BMP6: variants seen among roughly 807,000 people sequenced by gnomAD.
The protein encoded by BMP6 is VG-1-R.
Under a neutral mutation model 54.1 loss-of-function variants are expected in BMP6, and 17 were observed. The observed-to-expected ratio is 0.31, with a 90% confidence interval of 0.22 to 0.47. BMP6 has a LOEUF of 0.47. Among genes scored for constraint, BMP6 ranks in the 20% least tolerant of loss-of-function variants. BMP6 has a pLI of 1.00. For missense variants in BMP6, 720 were observed against 690.4 expected, an observed-to-expected ratio of 1.04 and a Z score of -0.48; for synonymous variants, 328 against 291.2, an observed-to-expected ratio of 1.13 and a Z score of -1.28.
intron 1 of BMP6, among the ~76,000 whole-genome samples, chr6:7,757,820 G>A (rs572991346): frequency 1.5e-4 from 23 of 152,282 alleles, no homozygotes; most frequent in Admixed American, 3.9e-4. Flanking sequence ...GATCAGGAAT[G>A]CCCATTTCCT....
At chr6:7,825,024 C>T (rs10498673) in intron 1 of BMP6, among the ~76,000 whole-genome samples, 20,890 of 152,214 alleles carry the variant, frequency 0.14, 1,823 homozygotes, top group African/African-American at 0.24. Context: ...CATTGAAAAA[C>T]GCGCAGACTT....
At chr6:7,729,362 G>A (rs1222058231) in intron 1 of BMP6, among the ~76,000 whole-genome samples, 1 of 149,866 alleles carries the variant, frequency 6.7e-6, no homozygotes, top group Admixed American at 6.7e-5. Context: ...GGCAGCTCTG[G>A]GGAAATGTTT....
At chr6:7,809,727 T>C (rs372756630) in intron 1 of BMP6, among the ~76,000 whole-genome samples, 21 of 152,324 alleles carry the variant, frequency 1.4e-4, no homozygotes, top group African/African-American at 4.8e-4. Context: ...TTTTTTAGGG[T>C]CGACAGCCCA....
At chr6:7,758,162 G>A (rs910967730) in intron 1 of BMP6, among the ~76,000 whole-genome samples, 3 of 152,150 alleles carry the variant, frequency 2.0e-5, no homozygotes, top group African/African-American at 7.2e-5. Context: ...TTCCGCAAAC[G>A]TTTTGCATAT....
chr6:7,852,642 C>T (rs1193863146), intron 2 of BMP6, among the ~76,000 whole-genome samples: 1 of 152,198 alleles, frequency 6.6e-6, no homozygotes, highest in Non-Finnish European at 1.5e-5. Flanking sequence ...GGAATGTTTA[C>T]AAGAGCCCCT....
At chr6:7,737,882 T>C (rs891306373) in intron 1 of BMP6, among the ~76,000 whole-genome samples, 3 of 152,158 alleles carry the variant, frequency 2.0e-5, no homozygotes, top group Admixed American at 6.5e-5. Context: ...CGGTTTATTA[T>C]AGAGGAAAGA....
Position 7,880,489 on chromosome 6 carries a change from T to TA in BMP6, c.*149dup. 9.1e-7 allele frequency: 1 copy of TA among 1,102,008 alleles called. No homozygotes were observed. 68.3% of individuals were successfully genotyped at this position (1,102,008 alleles called of 1,614,324 possible). A position where few individuals can be genotyped will look rare whatever the true frequency, so the allele number is the denominator to read the frequency against. On this transcript the variant is annotated 3_prime_UTR_variant, in exon 7 of 7. Transcript: ENST00000283147. ...AGTGCCTTATTACCCAGGAAGATTT[T>TA]AAAGGACCTCATTAATAATTTGCTC...
At chr6:7,804,171 T>C (rs1197204511) in intron 1 of BMP6, among the ~76,000 whole-genome samples, 2 of 152,212 alleles carry the variant, frequency 1.3e-5, no homozygotes, top group Admixed American at 6.5e-5. Context: ...GTGACCCGTT[T>C]AGTAGTAAGC....
At chr6:7,809,116 C>T (rs866377964) in intron 1 of BMP6, among the ~76,000 whole-genome samples, 9 of 144,416 alleles carry the variant, frequency 6.2e-5, no homozygotes, top group Non-Finnish European at 4.5e-5. Context: ...CCACCCCCCC[C>T]CAAAAAAAAA....
chr6:7,791,214 C>T (rs1295882753), intron 1 of BMP6, among the ~76,000 whole-genome samples: 1 of 152,198 alleles, frequency 6.6e-6, no homozygotes, highest in African/African-American at 2.4e-5. Context: ...TCTCCATCAT[C>T]CCAGAGCAAA....
At chr6:7,745,550 C>T (rs1392586293) in intron 1 of BMP6, among the ~76,000 whole-genome samples, 1 of 152,216 alleles carries the variant, frequency 6.6e-6, no homozygotes, top group Non-Finnish European at 1.5e-5. Flanking sequence ...AGATTACAGG[C>T]GTGAGCCACC....
In BMP6 at chr6:7,851,085, T is replaced by G. The variant is rs1759135224; in HGVS notation, c.857+5753T>G. 2.6e-5 allele frequency among the ~76,000 whole-genome samples: 4 copies of G among 152,238 alleles called. No individual in the cohort carries two copies. In the South Asian group the frequency reaches 8.3e-4, roughly 32 times the overall value. Reference sequence around the variant, plus strand: ...CTCAAAATTGTTCTTGAGACTTTCTTGGCTATTAATGGCCCTTCACATTCC... The same window carrying G: ...CTCAAAATTGTTCTTGAGACTTTCTGGGCTATTAATGGCCCTTCACATTCC... On this transcript the variant is annotated intron_variant, in intron 2 of 6. Coordinates refer to ENST00000283147, the MANE Select transcript of BMP6 (RefSeq NM_001718.6).
At chr6:7,864,669 G>A (rs1284118487) in intron 4 of BMP6, among the ~76,000 whole-genome samples, 8 of 152,072 alleles carry the variant, frequency 5.3e-5, no homozygotes, top group Admixed American at 4.6e-4. Context: ...CAGTAACTTG[G>A]ATGTGGAGCT....
In BMP6 at chr6:7,727,080, A is replaced by C; in HGVS notation, c.125A>C (p.Gln42Pro). 1 of 1,260,976 alleles carries C rather than the reference A, an allele frequency of 7.9e-7. No homozygotes were observed. 78.1% of individuals were successfully genotyped at this position (1,260,976 alleles called of 1,614,324 possible). ...PAAAAAAAGG[Q>P]LLGDGGSPGR... ...GCCGCGGCCGCCGCCGCCGGGGGGCAGCTGCTGGGGGACGGCGGGAGCCCC... is the reference window on the plus strand; with the variant it reads ...GCCGCGGCCGCCGCCGCCGGGGGGCCGCTGCTGGGGGACGGCGGGAGCCCC... Residue 42 changes from glutamine (Q) to proline (P), a missense_variant, in exon 1 of 7, where the codon CAG becomes CCG. Gln to Pro is a moderately conservative substitution (Grantham distance 76, BLOSUM62 -1). Transcript: ENST00000283147.
intron 4 of BMP6, among the ~76,000 whole-genome samples, chr6:7,874,431 A>G (rs1759574479): frequency 6.6e-6 from 1 of 152,140 alleles, no homozygotes; most frequent in African/African-American, 2.4e-5. Flanking sequence ...CCTCACTCCC[A>G]AGGCTCCTCT....
chr6:7,800,017 T>C (rs1758245839), intron 1 of BMP6, among the ~76,000 whole-genome samples: 1 of 152,044 alleles, frequency 6.6e-6, no homozygotes, highest in African/African-American at 2.4e-5. Context: ...TTGTTTATAT[T>C]AACTTTATCA....
At chr6:7,768,756 C>A (rs780722156) in intron 1 of BMP6, among the ~76,000 whole-genome samples, 16 of 152,228 alleles carry the variant, frequency 1.1e-4, no homozygotes, top group South Asian at 1.0e-3. Flanking sequence ...CTAAGAGTGC[C>A]GATTTAATCA....
In BMP6 at chr6:7,880,421, C is replaced by T. The variant is rs918278487; in HGVS notation, c.*78C>T. On this transcript the variant is annotated 3_prime_UTR_variant, in exon 7 of 7. Transcript: ENST00000283147. The stretch of plus-strand genomic sequence containing the variant: ...TCTGCCTTAAAAAAACACGGAAGCA[C>T]AGTTGGAGGTGGGACGATGAGACTT... The T allele has an allele frequency of 1.9e-6, 3 of 1,574,448 alleles. No individual in the cohort carries two copies. The African/African-American group carries it at 4.1e-5, about 21-fold the overall frequency.
intron 1 of BMP6, among the ~76,000 whole-genome samples, chr6:7,815,234 G>A (rs1292990522): frequency 2.6e-5 from 4 of 152,120 alleles, no homozygotes; most frequent in East Asian, 1.9e-4. Flanking sequence ...GACCTCTACC[G>A]AGTGCTGTGG....
Sources: gnomAD v4.1 joint callset for allele counts (sites outside exome capture counted in the v4.1 genomes callset) on GRCh38, gnomAD v4.1.1 for gene constraint, MANE v1.5 for transcripts, NCBI Gene and HGNC (gene_info 2026-07-23, HGNC 2026-07-21) for gene names.